The following RAB40C variants were observed in gnomAD, a reference collection of about 807,000 sequenced individuals.
RAB40C encodes the protein RAB40C, member RAS oncogene family.
A neutral mutation model predicts 28.1 loss-of-function variants in RAB40C; 8 were observed. The ratio of observed to expected loss-of-function variants is 0.28; its 90% CI spans 0.17 to 0.51. The LOEUF (loss-of-function observed/expected upper bound fraction) is 0.51. RAB40C is among the 20% of genes least tolerant of loss of function. The probability of loss-of-function intolerance (pLI) is 0.97; values close to 1 mark genes in which losing one functional copy is unlikely to be tolerated. For missense variants in RAB40C, 288 were observed against 405.9 expected (o/e 0.71, Z 2.50); for synonymous variants, 201 against 171.7 (o/e 1.17, Z -1.34).
intron 1 of RAB40C, among the ~76,000 whole-genome samples, chr16:592,661 G>A (rs563261051): frequency 1.4e-3 from 210 of 152,374 alleles, no homozygotes; most frequent in Admixed American, 1.6e-3. Context: ...GGGGCGCTGC[G>A]CACTCCCAGG....
At chr16:598,388 AAAATAC>A (rs1358527725) in intron 1 of RAB40C, among the ~76,000 whole-genome samples, 6 of 150,966 alleles carry the variant, frequency 4.0e-5, no homozygotes, top group East Asian at 2.0e-4. Context: ...AAAAAAAAAA[AAAATAC>A]AAATACAAAT....
At chr16:627,101 G>A (rs1212055726) in intron 5 of RAB40C, among the ~76,000 whole-genome samples, 1 of 152,244 alleles carries the variant, frequency 6.6e-6, no homozygotes, top group African/African-American at 2.4e-5. Context: ...CCCTCTGGAA[G>A]CCCCGCAGCA....
At chr16:591,086 G>A (rs1209381177) in intron 1 of RAB40C, among the ~76,000 whole-genome samples, 1 of 150,550 alleles carries the variant, frequency 6.6e-6, no homozygotes, top group Non-Finnish European at 1.5e-5. Flanking sequence ...GGTCCTAAGG[G>A]AAGCTGTCAT....
chr16:604,338 C>T (rs2036315815), intron 1 of RAB40C, among the ~76,000 whole-genome samples: 1 of 152,176 alleles, frequency 6.6e-6, no homozygotes, highest in African/African-American at 2.4e-5. Context: ...AACTATAACA[C>T]AAATACGCAC....
At chr16:609,888 C>T (rs559074243) in intron 1 of RAB40C, among the ~76,000 whole-genome samples, 70 of 152,224 alleles carry the variant, frequency 4.6e-4, no homozygotes, top group Middle Eastern at 3.4e-3. Flanking sequence ...AGCTGAGGCA[C>T]GTCAGGATGT....
In RAB40C at chr16:609,229, AGG is replaced by A. The variant is rs1330922419; in HGVS notation, c.143-7976_143-7975del. Among the ~76,000 whole-genome samples, 4 of 152,168 alleles carry A rather than the reference AGG, an allele frequency of 2.6e-5. No homozygotes were observed. In the South Asian group the frequency reaches 8.3e-4, roughly 32 times the overall value. ...TGCGATCTGCTTGGAATGCCATGTG[AGG>A]GGAAGGGGAGGTCAGGGCAGTGCCT... On this transcript the variant is annotated intron_variant, in intron 1 of 5. Coordinates refer to ENST00000248139, the MANE Select transcript of RAB40C (RefSeq NM_021168.5).
rs1402993791 is a variant in RAB40C at position 627,372 on chromosome 16, C to T, written c.596C>T (p.Ala199Val). The change falls in exon 6 of 6, where the codon GCC becomes GTC. Residue 199 changes from alanine to valine, a missense_variant. This residue lies in a region of RAB40C where 153 missense variants were observed against 262.4 expected (regional missense o/e 0.58). Coordinates refer to ENST00000248139, the MANE Select transcript of RAB40C (RefSeq NM_021168.5). ...AGCCTGCAGGACCTCTGCTGCCGGG[C>T]CATCGTCTCCTGCACCCCCGTGCAC... ...VFSLQDLCCRAIVSCTPVHLI... is the reference protein window; with the variant it reads ...VFSLQDLCCRVIVSCTPVHLI... 21 of 1,613,576 alleles carry T rather than the reference C, an allele frequency of 1.3e-5. No homozygotes were observed. Among genetic ancestry groups the T allele is most frequent in the Non-Finnish European group, 1.4e-5 (17 of 1,179,948 alleles).
At chr16:595,869 G>A (rs1484568457) in intron 1 of RAB40C, among the ~76,000 whole-genome samples, 1 of 152,206 alleles carries the variant, frequency 6.6e-6, no homozygotes, top group Admixed American at 6.5e-5. Context: ...CCAAAGTGCT[G>A]GGATTACAAG....
At chr16:591,712 C>T (rs1484160793) in intron 1 of RAB40C, among the ~76,000 whole-genome samples, 2 of 152,004 alleles carry the variant, frequency 1.3e-5, no homozygotes, top group Non-Finnish European at 2.9e-5. Context: ...CTGTCTCAGC[C>T]TCCCGAGTAG....
At chr16:615,979 C>T (rs962279619) in intron 1 of RAB40C, among the ~76,000 whole-genome samples, 9 of 152,024 alleles carry the variant, frequency 5.9e-5, no homozygotes, top group African/African-American at 1.2e-4. Context: ...AAAAAAAGGC[C>T]GGGTGCAGTG....
intron 1 of RAB40C, among the ~76,000 whole-genome samples, chr16:608,985 C>T (rs1284054820): frequency 6.6e-6 from 1 of 152,104 alleles, no homozygotes; most frequent in Non-Finnish European, 1.5e-5. Context: ...TGTGGTGGTG[C>T]ACACCTGTAG....
At chr16:596,573 C>T (rs1363329085) in intron 1 of RAB40C, 7 of 324,414 alleles carry the variant, frequency 2.2e-5, no homozygotes, top group South Asian at 9.3e-5. Flanking sequence ...GTGCGGAGAA[C>T]GCTGCCGAAC....
At chr16:599,519 T>C (rs1007343252) in intron 1 of RAB40C, among the ~76,000 whole-genome samples, 2 of 152,266 alleles carry the variant, frequency 1.3e-5, no homozygotes, top group African/African-American at 4.8e-5. Flanking sequence ...TCGATAGGCA[T>C]GTACGTGAAA....
At chr16:591,251 G>C (rs1439035564) in intron 1 of RAB40C, among the ~76,000 whole-genome samples, 1 of 151,018 alleles carries the variant, frequency 6.6e-6, no homozygotes, top group Non-Finnish European at 1.5e-5. Context: ...GGATCATCTG[G>C]GGTCTGAGGG....
At chr16:624,367 A>G in intron 3 of RAB40C, 1 of 985,392 alleles carries the variant, frequency 1.0e-6, no homozygotes, top group African/African-American at 1.7e-5. Flanking sequence ...GAATCTTATC[A>G]TTTATCGCCC....
At chr16:621,271 G>A (rs1254484539) in intron 3 of RAB40C, among the ~76,000 whole-genome samples, 1 of 152,242 alleles carries the variant, frequency 6.6e-6, no homozygotes, top group Non-Finnish European at 1.5e-5. Flanking sequence ...CTCCTGCCTG[G>A]TGAGCAGCGG....
intron 1 of RAB40C, among the ~76,000 whole-genome samples, chr16:607,646 G>C (rs937256740): frequency 6.8e-6 from 1 of 146,072 alleles, no homozygotes; most frequent in East Asian, 2.1e-4. Flanking sequence ...AAAAAATTAG[G>C]CAGGCGCGGT....
In RAB40C at chr16:626,139, G is replaced by C. The variant is rs374920886; in HGVS notation, c.565+18G>C. 1.9e-6 allele frequency: 3 copies of C among 1,602,472 alleles called. No individual in the cohort carries two copies. The highest frequency in any genetic ancestry group is 2.2e-5 in the East Asian group (1 of 44,814). ...CAACCGAGGTGGGTGGGCGGGCGCCGGCCAGCCCTGAGGTCCCCGAACCTG... is the reference window on the plus strand; with the variant it reads ...CAACCGAGGTGGGTGGGCGGGCGCCCGCCAGCCCTGAGGTCCCCGAACCTG... On this transcript the variant is annotated intron_variant, in intron 5 of 5. Transcript: ENST00000248139.
At chr16:617,876 G>A (rs552005510) in intron 2 of RAB40C, among the ~76,000 whole-genome samples, 45 of 152,114 alleles carry the variant, frequency 3.0e-4, no homozygotes, top group Admixed American at 5.9e-4. Flanking sequence ...TTCCCAGAAC[G>A]TCAGCGTTGA....
Sources: allele counts gnomAD v4.1 joint callset (sites outside exome capture counted in the v4.1 genomes callset), GRCh38; gene constraint gnomAD v4.1.1; regional missense constraint gnomAD v4.1.1; transcripts MANE v1.5; gene names NCBI Gene and HGNC (gene_info 2026-07-23, HGNC 2026-07-21).